Variants in SPDYA observed in about 807,000 individuals in gnomAD.
SPDYA encodes the protein speedy protein A.
A neutral mutation model predicts 36.7 loss-of-function variants in SPDYA; 11 were observed. The observed-to-expected ratio is 0.30, with a 90% confidence interval of 0.19 to 0.50. The LOEUF (loss-of-function observed/expected upper bound fraction) is 0.50. SPDYA is among the 20% of genes least tolerant of loss of function. The pLI is 0.98. For synonymous variants in SPDYA, 115 were observed against 118.7 expected (o/e 0.97, Z 0.20); for missense variants, 287 against 370.9 (o/e 0.77, Z 1.86).
chr2:28,834,503 T>C (rs1281455242), intron 6 of SPDYA, among the ~76,000 whole-genome samples: 1 of 152,078 alleles, frequency 6.6e-6, no homozygotes, highest in East Asian at 1.9e-4. Context: ...ATAAACAAAA[T>C]AAGGTATATC....
intron 1 of SPDYA, among the ~76,000 whole-genome samples, chr2:28,812,539 A>G (rs1209832347): frequency 6.6e-6 from 1 of 151,930 alleles, no homozygotes; most frequent in Non-Finnish European, 1.5e-5. Flanking sequence ...GATTTTTTTA[A>G]TGTTCATGGA....
rs1667849691 is a variant in SPDYA at position 28,811,696 on chromosome 2, C to G, written c.-93+749C>G. Among the ~76,000 whole-genome samples the G allele has an allele frequency of 6.6e-6, 1 of 152,084 alleles. No homozygotes were observed. Among genetic ancestry groups the G allele is most frequent in the African/African-American group, 2.4e-5 (1 of 41,368 alleles). ...AATTAACCGGGCATGGTGGTGCGCA[C>G]TTGTAATCCCAGCTACTTGGGAGGC... On this transcript the variant is annotated intron_variant, in intron 1 of 7. Transcript: ENST00000334056. The surrounding 1 kb of genome is among the most constrained non-coding windows in gnomAD (Gnocchi z 4.2).
In SPDYA at chr2:28,816,193, A is replaced by G; in HGVS notation, c.179A>G (p.Lys60Arg). Residue 60 changes from lysine to arginine, a missense_variant, in exon 3 of 8, where the codon AAA becomes AGA. Transcript: ENST00000334056. Reference sequence around the variant, plus strand: ...AATAACAACAAATCTAAACGCCCCAAAGGACCTTGTCTGGTTATACAGCGT... The same window carrying G: ...AATAACAACAAATCTAAACGCCCCAGAGGACCTTGTCTGGTTATACAGCGT... ...THNNNKSKRP[K>R]GPCLVIQRQD... The G allele has an allele frequency of 6.2e-7, 1 of 1,614,000 alleles. No homozygotes were observed. The highest frequency in any genetic ancestry group is 8.5e-7 in the Non-Finnish European group (1 of 1,179,954).
intron 6 of SPDYA, among the ~76,000 whole-genome samples, chr2:28,838,737 C>A (rs1375140899): frequency 6.6e-6 from 1 of 151,856 alleles, no homozygotes; most frequent in African/African-American, 2.4e-5. Flanking sequence ...TTTGGGAGGG[C>A]GAGGAGGGTG....
In SPDYA at chr2:28,850,488, C is replaced by A; in HGVS notation, c.*547C>A. 1.1e-6 allele frequency: 1 copy of A among 903,108 alleles called. No homozygotes were observed. Among genetic ancestry groups the A allele is most frequent in the South Asian group, 1.7e-5 (1 of 58,290 alleles). The allele number at this position is 903,108 out of a possible 1,614,324, so 55.9% of individuals were successfully genotyped here. A position where few individuals can be genotyped will look rare whatever the true frequency, so the allele number is the denominator to read the frequency against. On this transcript the variant is annotated 3_prime_UTR_variant, in exon 8 of 8. Transcript: ENST00000334056. ...CAAAACTGTTAAAATATGAGTTACT[C>A]TCTTTATTGTAAGTTTTTTCTTTAT... is the stretch of plus-strand genomic sequence containing the variant.
intron 6 of SPDYA, among the ~76,000 whole-genome samples, chr2:28,829,950 AAAAAAAAAAG>A (rs1367677929): frequency 2.2e-5 from 3 of 134,410 alleles, no homozygotes; most frequent in African/African-American, 8.1e-5. Context: ...TCTCAAAAAA[AAAAAAAAAAG>A]AAAAGAAAAG....
intron 6 of SPDYA, among the ~76,000 whole-genome samples, chr2:28,829,672 G>A (rs1489191994): frequency 6.6e-6 from 1 of 151,550 alleles, no homozygotes; most frequent in Non-Finnish European, 1.5e-5. Flanking sequence ...GGCTGGGTGC[G>A]GTGGCTCACG....
chr2:28,826,895 G>A (rs1668338468), intron 5 of SPDYA, among the ~76,000 whole-genome samples: 1 of 149,806 alleles, frequency 6.7e-6, no homozygotes, highest in African/African-American at 2.5e-5. Context: ...GGGATTACAG[G>A]TGTGAGCCAC....
In SPDYA at chr2:28,821,830, G is replaced by A. The variant is rs377412444; in HGVS notation, c.295-495G>A. Among the ~76,000 whole-genome samples, 14 of 152,254 alleles carry A rather than the reference G, an allele frequency of 9.2e-5. No individual in the cohort carries two copies. In the South Asian group the frequency reaches 2.9e-3, roughly 32 times the overall value. ...ATTCTCCCCATGAAAATACAGCCAT[G>A]TTATTCTAATTTCTGAAGTCATTTG... On this transcript the variant is annotated intron_variant, in intron 4 of 7. Coordinates refer to ENST00000334056, the MANE Select transcript of SPDYA (RefSeq NM_182756.4).
intron 3 of SPDYA, 63 bp downstream of exon 3, chr2:28,816,312 C>T: frequency 1.7e-6 from 2 of 1,193,132 alleles, no homozygotes; most frequent in Non-Finnish European, 2.3e-6. Context: ...ATGTAAACAT[C>T]TAAATGTTTT....
At chr2:28,823,671 C>T (rs1437016831) in intron 5 of SPDYA, among the ~76,000 whole-genome samples, 1 of 118,126 alleles carries the variant, frequency 8.5e-6, no homozygotes, top group Non-Finnish European at 1.7e-5. Flanking sequence ...TACCCTATAG[C>T]TGGATATAAT....
At chr2:28,839,130 G>A (rs1668683139) in intron 6 of SPDYA, among the ~76,000 whole-genome samples, 1 of 152,172 alleles carries the variant, frequency 6.6e-6, no homozygotes, top group South Asian at 2.1e-4. Flanking sequence ...CTGTGAAGTA[G>A]ATGATATGCC....
chr2:28,849,671 G>A (rs1323529980), intron 7 of SPDYA, 179 bp from the exon 8 acceptor site: 9 of 498,756 alleles, frequency 1.8e-5, no homozygotes, highest in Non-Finnish European at 2.5e-5. Flanking sequence ...AGATTCAAGA[G>A]CCTGTTACAT....
At chr2:28,837,742 C>CT (rs201687264) in intron 6 of SPDYA, among the ~76,000 whole-genome samples, 36 of 132,618 alleles carry the variant, frequency 2.7e-4, no homozygotes, top group South Asian at 1.9e-3. Context: ...AGAGTCAGTG[C>CT]TTTTTTTTTT....
intron 5 of SPDYA, among the ~76,000 whole-genome samples, chr2:28,827,117 T>C (rs1456899350): frequency 6.6e-6 from 1 of 151,946 alleles, no homozygotes; most frequent in Admixed American, 6.6e-5. Flanking sequence ...TTGTTTGTAT[T>C]TTTTAGTAGA....
intron 5 of SPDYA, among the ~76,000 whole-genome samples, chr2:28,826,605 T>TTCTC (rs1553315414): frequency 1.5e-5 from 2 of 135,762 alleles, no homozygotes; most frequent in African/African-American, 2.7e-5. Flanking sequence ...TTTTCTTTCT[T>TTCTC]TCTCTCTTTT....
intron 3 of SPDYA, among the ~76,000 whole-genome samples, chr2:28,818,796 A>G (rs920389865): frequency 2.6e-5 from 4 of 152,240 alleles, no homozygotes; most frequent in African/African-American, 9.6e-5. Context: ...AAACACTTCT[A>G]CCATTCTCCA....
intron 5 of SPDYA, among the ~76,000 whole-genome samples, chr2:28,823,377 C>T (rs1329894889): frequency 1.3e-5 from 2 of 152,016 alleles, no homozygotes; most frequent in African/African-American, 4.8e-5. Context: ...AATCCCAACA[C>T]TTTGGGAGGC....
chr2:28,829,304 G>A lies in SPDYA; in HGVS notation c.537G>A (p.Arg179=), dbSNP rs1668413933. The change falls in exon 6 of 8, where the codon AGG becomes AGA. Residue 179 remains arginine (R), a synonymous_variant. Transcript: ENST00000334056. ...TTGACTATAGGGCTATTGTAAGCAG[G>A]CGATGTTGTGAGGAGGTAAGAATTT... ...DRIDYRAIVS[R]RCCEEVMAIA... The A allele has an allele frequency of 6.2e-7, 1 of 1,609,338 alleles. No individual in the cohort carries two copies. The highest frequency in any genetic ancestry group is 8.5e-7 in the Non-Finnish European group (1 of 1,179,060).
Sources: gnomAD v4.1 joint callset for allele counts (sites outside exome capture counted in the v4.1 genomes callset) on GRCh38, gnomAD v4.1.1 for gene constraint, Gnocchi (gnomAD v3.1) non-coding constraint, MANE v1.5 for transcripts, NCBI Gene and HGNC (gene_info 2026-07-23, HGNC 2026-07-21) for gene names.